SLC39A10: variants seen among roughly 807,000 people sequenced by gnomAD.
SLC39A10 encodes the protein zinc transporter ZIP10.
Under a neutral mutation model 65.1 loss-of-function variants are expected in SLC39A10, and 13 were observed. That is an observed-to-expected ratio of 0.20 (90% CI 0.13 to 0.32). The LOEUF is 0.32. Ranked by LOEUF, SLC39A10 falls within the 10% of genes least tolerant of loss-of-function variation. SLC39A10 has a pLI of 1.00. For synonymous variants in SLC39A10, 321 were observed against 342.2 expected (o/e 0.94, Z 0.68); for missense variants, 831 against 1,018.4 (o/e 0.82, Z 2.50).
chr2:195,647,888 ATG>A (rs1283343996), intron 2 of SLC39A10, among the ~76,000 whole-genome samples: 1 of 152,172 alleles, frequency 6.6e-6, no homozygotes, highest in Non-Finnish European at 1.5e-5. Flanking sequence ...CTTAATATTT[ATG>A]TGTCTCTTTT....
intron 8 of SLC39A10, among the ~76,000 whole-genome samples, chr2:195,727,200 G>T (rs1015835213): frequency 6.6e-6 from 1 of 152,068 alleles, no homozygotes; most frequent in African/African-American, 2.4e-5. Flanking sequence ...TTGGAGGGAG[G>T]GGGTGGCGGG....
intron 9 of SLC39A10, among the ~76,000 whole-genome samples, chr2:195,731,749 T>A (rs1426551710): frequency 2.6e-5 from 4 of 152,128 alleles, no homozygotes; most frequent in African/African-American, 9.7e-5. Flanking sequence ...AATAGAAAGT[T>A]TTTCCATCAA....
chr2:195,613,933 T>C (rs1486832817), intron 2 of SLC39A10, among the ~76,000 whole-genome samples: 2 of 152,204 alleles, frequency 1.3e-5, no homozygotes, highest in Non-Finnish European at 2.9e-5. Context: ...TCTTCGGTGG[T>C]GTATTTTCAC....
chr2:195,637,364 G>T (rs192288687), intron 2 of SLC39A10, among the ~76,000 whole-genome samples: 1 of 152,258 alleles, frequency 6.6e-6, no homozygotes, highest in East Asian at 1.9e-4. Flanking sequence ...AGGTATTTTG[G>T]TTCTTTCCCA....
rs1692636146 is a variant in SLC39A10, at chr2:195,736,906, C to T, written c.*1865C>T. The T allele has an allele frequency of 6.6e-6, 1 of 152,312 alleles. No individual in the cohort carries two copies. The highest frequency in any genetic ancestry group is 1.5e-5 in the Non-Finnish European group (1 of 67,972). The allele number at this position is 152,312 out of a possible 1,614,324, so 9.4% of individuals were successfully genotyped here. A position where few individuals can be genotyped will look rare whatever the true frequency, so the allele number is the denominator to read the frequency against. ...TATCTATCTATCTAGATTTCTGAACCAAGATATATTTATAGTTCACTTTTG... is the reference window on the plus strand; with the variant it reads ...TATCTATCTATCTAGATTTCTGAACTAAGATATATTTATAGTTCACTTTTG... On this transcript the variant is annotated 3_prime_UTR_variant, in exon 10 of 10. Transcript: ENST00000359634.
intron 2 of SLC39A10, among the ~76,000 whole-genome samples, chr2:195,623,154 T>C (rs974117982): frequency 2.0e-5 from 3 of 152,024 alleles, no homozygotes; most frequent in African/African-American, 7.2e-5. Context: ...GAAAGTTAAG[T>C]GTGAAAGTAT....
chr2:195,689,293 A>G (rs1690636313), intron 3 of SLC39A10, among the ~76,000 whole-genome samples: 1 of 152,056 alleles, frequency 6.6e-6, no homozygotes, highest in South Asian at 2.1e-4. Flanking sequence ...ATGGTGGTGC[A>G]TGCCGGTGGT....
Position 195,735,139 on chromosome 2 carries a change from G to A in SLC39A10, c.*98G>A. The A allele has an allele frequency of 1.6e-6, 2 of 1,275,640 alleles. No homozygotes were observed. The highest frequency in any genetic ancestry group is 2.6e-5 in the East Asian group (1 of 38,620). The allele number at this position is 1,275,640 out of a possible 1,614,324, so 79.0% of individuals were successfully genotyped here. A position where few individuals can be genotyped will look rare whatever the true frequency, so the allele number is the denominator to read the frequency against. Reference sequence around the variant, plus strand: ...CACATTGCTCAAAGGAAAGTCAGTGGCTTGCACTACTTACAAGTTTCATAG... The same window carrying A: ...CACATTGCTCAAAGGAAAGTCAGTGACTTGCACTACTTACAAGTTTCATAG... On this transcript the variant is annotated 3_prime_UTR_variant, in exon 10 of 10. Coordinates refer to ENST00000359634, the MANE Select transcript of SLC39A10 (RefSeq NM_020342.3).
intron 9 of SLC39A10, among the ~76,000 whole-genome samples, chr2:195,733,336 T>C (rs553500822): frequency 6.6e-6 from 1 of 152,196 alleles, no homozygotes; most frequent in Non-Finnish European, 1.5e-5. Flanking sequence ...AAATTGGAAG[T>C]AGCAATTCCT....
chr2:195,647,217 T>A (rs1688940728), intron 2 of SLC39A10, among the ~76,000 whole-genome samples: 1 of 152,168 alleles, frequency 6.6e-6, no homozygotes, highest in Admixed American at 6.5e-5. Context: ...AGCATGTGGA[T>A]GTCTTTATGG....
intron 2 of SLC39A10, among the ~76,000 whole-genome samples, chr2:195,634,263 CA>C (rs1460883590): frequency 6.6e-6 from 1 of 152,106 alleles, no homozygotes; most frequent in African/African-American, 2.4e-5. Context: ...GGATATATGC[CA>C]AGGGTTTTGC....
Position 195,708,725 on chromosome 2 carries a change from A to G in SLC39A10, c.1456A>G (p.Asn486Asp). The G allele has an allele frequency of 6.2e-7, 1 of 1,613,178 alleles. No individual in the cohort carries two copies. The highest frequency in any genetic ancestry group is 8.5e-7 in the Non-Finnish European group (1 of 1,179,538). The change falls in exon 5 of 10, where the codon AAC (asparagine) becomes GAC (aspartate). Residue 486 changes from asparagine to aspartate, a missense_variant. By Grantham distance (23) the Asn-to-Asp change is conservative (BLOSUM62 1). Around this residue, in one of 4 missense-constraint regions of SLC39A10, gnomAD observed 230 missense variants for 242.9 expected, o/e 0.95. Transcript: ENST00000359634. ...TGGACATTCTCATGGACATGAATCT[A>G]ACAAGTTTTTGGAAGAATATGATGC... is the stretch of plus-strand genomic sequence containing the variant. ...GHGHSHGHES[N>D]KFLEEYDAVL...
At chr2:195,633,337 G>A (rs1279456430) in intron 2 of SLC39A10, among the ~76,000 whole-genome samples, 2 of 152,278 alleles carry the variant, frequency 1.3e-5, no homozygotes, top group African/African-American at 2.4e-5. Flanking sequence ...GGCTAGGCTA[G>A]TGTTTTCAGC....
chr2:195,632,855 A>G (rs1354575491), intron 2 of SLC39A10, among the ~76,000 whole-genome samples: 2 of 152,210 alleles, frequency 1.3e-5, no homozygotes, highest in Non-Finnish European at 2.9e-5. Context: ...TTTGAGTTTA[A>G]AACATCTTTG....
intron 3 of SLC39A10, among the ~76,000 whole-genome samples, chr2:195,695,652 G>A (rs1449098050): frequency 6.6e-6 from 1 of 152,238 alleles, no homozygotes; most frequent in Non-Finnish European, 1.5e-5. Context: ...TGCTGTGGTA[G>A]TTCTTGGAGG....
chr2:195,700,599 T>G (rs762051774), intron 3 of SLC39A10, among the ~76,000 whole-genome samples: 8 of 152,220 alleles, frequency 5.3e-5, no homozygotes, highest in Non-Finnish European at 7.3e-5. Context: ...ACAGGGCAAG[T>G]CTAGTGGCAA....
At chr2:195,719,333 A>G (rs1035876759) in intron 8 of SLC39A10, among the ~76,000 whole-genome samples, 1 of 152,146 alleles carries the variant, frequency 6.6e-6, no homozygotes, top group Non-Finnish European at 1.5e-5. Flanking sequence ...ACGATGAGTT[A>G]ATTTAATCTG....
intron 2 of SLC39A10, among the ~76,000 whole-genome samples, chr2:195,681,944 A>G (rs920759615): frequency 3.3e-5 from 5 of 152,140 alleles, no homozygotes; most frequent in Admixed American, 1.3e-4. Flanking sequence ...TCACTTTATG[A>G]TAAGGCCTAC....
chr2:195,626,232 C>T (rs1688470468), intron 2 of SLC39A10, among the ~76,000 whole-genome samples: 1 of 152,198 alleles, frequency 6.6e-6, no homozygotes, highest in Non-Finnish European at 1.5e-5. Flanking sequence ...TGAGGCCCTC[C>T]CTTGCACTCT....
Sources: gnomAD v4.1 joint callset for allele counts (sites outside exome capture counted in the v4.1 genomes callset) on GRCh38, gnomAD v4.1.1 for gene constraint, gnomAD v4.1.1 regional missense constraint, MANE v1.5 for transcripts, NCBI Gene and HGNC (gene_info 2026-07-23, HGNC 2026-07-21) for gene names.